Variants in PCDHA13 observed in about 807,000 individuals in gnomAD.
PCDHA13 encodes the protein protocadherin alpha 13.
Under a neutral mutation model 64.8 loss-of-function variants are expected in PCDHA13, and 54 were observed. The ratio of observed to expected loss-of-function variants is 0.83; its 90% confidence interval spans 0.67 to 1.04. PCDHA13 has a LOEUF of 1.04. Ranked by LOEUF, PCDHA13 falls within the 50% of genes least tolerant of loss-of-function variation. PCDHA13 has a pLI of 0.00. For synonymous variants in PCDHA13, 587 were observed against 564.4 expected (o/e 1.04, Z -0.57); for missense variants, 1,248 against 1,254.3 (o/e 0.99, Z 0.08).
intron 3 of PCDHA13, among the ~76,000 whole-genome samples, chr5:141,006,902 A>T (rs1563704110): frequency 6.6e-6 from 1 of 152,218 alleles, no homozygotes; most frequent in Non-Finnish European, 1.5e-5. Context: ...AGATTTCTTC[A>T]GTTTGGGATG....
rs1284021507 is a variant in PCDHA13 at position 140,883,838 on chromosome 5, G to A, written c.1570G>A (p.Asp524Asn). The A allele has an allele frequency of 1.9e-6, 3 of 1,612,620 alleles. No individual in the cohort carries two copies. In the Admixed American group the frequency reaches 5.0e-5, roughly 27 times the overall value. ...CAAGGTGTACGCGCTGCAGCCGTTG[G>A]ACCACGAGGAGCTGGAGCTGTTGCA... ...SGKVYALQPL[D>N]HEELELLQFQ... is the part of the protein sequence containing the mutation. Residue 524 changes from aspartate to asparagine, a missense_variant, in exon 1 of 4, where the codon GAC becomes AAC. Physicochemically the swap from Asp to Asn is conservative, Grantham distance 23. Coordinates refer to ENST00000289272, the MANE Select transcript of PCDHA13 (RefSeq NM_018904.3).
chr5:140,982,014 C>G lies in PCDHA13; in HGVS notation c.2454-461C>G, dbSNP rs546904836. Among the ~76,000 whole-genome samples the G allele has an allele frequency of 3.3e-5, 5 of 152,270 alleles. No individual in the cohort carries two copies. The South Asian group carries it at 1.0e-3, about 32-fold the overall frequency. ...ATAAGGTTAAGAATTAATTAGATAG[C>G]CAAATTGGAACAATACTCCAATTAT... is the stretch of plus-strand genomic sequence containing the variant. On this transcript the variant is annotated intron_variant, in intron 2 of 3. Coordinates refer to ENST00000289272, the MANE Select transcript of PCDHA13 (RefSeq NM_018904.3).
chr5:140,984,168 A>C (rs1181991691), intron 3 of PCDHA13, among the ~76,000 whole-genome samples: 1 of 152,204 alleles, frequency 6.6e-6, no homozygotes, highest in Non-Finnish European at 1.5e-5. Context: ...TTCCCAAAGA[A>C]GCCACGTGAA....
intron 1 of PCDHA13, among the ~76,000 whole-genome samples, chr5:140,904,631 G>A (rs150616068): frequency 0.029 from 4,338 of 152,074 alleles, 82 homozygotes; most frequent in Non-Finnish European, 0.044. Flanking sequence ...GTTCTTTAAG[G>A]AATCTCCACA....
At position 140,978,992 on chromosome 5, in the gene PCDHA13, G is replaced by T. The variant is rs1363421000; in HGVS notation, c.2438G>T (p.Arg813Ile). The change falls in exon 2 of 4, where the codon AGA (arginine) becomes ATA (isoleucine). Residue 813 changes from arginine to isoleucine, a missense_variant. Arg to Ile is a moderately conservative substitution (Grantham distance 97). Transcript: ENST00000289272. ...NPDWRYSASL[R>I]AGMHSSVHLE... Reference sequence around the variant, plus strand: ...GACTGGCGTTACTCTGCCTCCCTGAGAGCAGGCATGCACAGGTATGTATTT... The same window carrying T: ...GACTGGCGTTACTCTGCCTCCCTGATAGCAGGCATGCACAGGTATGTATTT... The T allele has an allele frequency of 8.1e-6, 13 of 1,614,060 alleles. No homozygotes were observed. Among genetic ancestry groups the T allele is most frequent in the Non-Finnish European group, 1.1e-5 (13 of 1,180,034 alleles).
chr5:140,940,736 A>G (rs1554213579), intron 1 of PCDHA13, among the ~76,000 whole-genome samples: 1 of 152,200 alleles, frequency 6.6e-6, no homozygotes, highest in Non-Finnish European at 1.5e-5. Flanking sequence ...GGACAGCTCC[A>G]TATTTTTATG....
At chr5:140,967,051 G>C in intron 1 of PCDHA13, 2 of 1,612,562 alleles carry the variant, frequency 1.2e-6, no homozygotes, top group Non-Finnish European at 1.7e-6. Context: ...TGGACCTGAC[G>C]AGTGGAGCGC....
chr5:140,882,766 G>T lies in PCDHA13; in HGVS notation c.498G>T (p.Ser166=). The T allele has an allele frequency of 1.2e-6, 2 of 1,614,184 alleles. No homozygotes were observed. The highest frequency in any genetic ancestry group is 2.2e-5 in the South Asian group (2 of 91,082). The change falls in exon 1 of 4, where the codon TCG becomes TCT. Residue 166 remains serine, a synonymous_variant. Transcript: ENST00000289272. ...GASDADIGVN[S]ALTYRLDPND... Reference sequence around the variant, plus strand: ...CCGATGCAGATATTGGAGTAAACTCGGCATTGACCTACCGACTGGATCCCA... The same window carrying T: ...CCGATGCAGATATTGGAGTAAACTCTGCATTGACCTACCGACTGGATCCCA...
chr5:140,884,012 C>T lies in PCDHA13; in HGVS notation c.1744C>T (p.Pro582Ser). ...SAGGTVSELM[P>S]RSVGAGHVVA... ...GGGAGGCACAGTGAGCGAGCTGATG[C>T]CGCGGTCGGTGGGTGCAGGCCACGT... The change falls in exon 1 of 4, where the codon CCG becomes TCG. Residue 582 changes from proline (P) to serine (S), a missense_variant. Transcript: ENST00000289272. The T allele has an allele frequency of 6.2e-7, 1 of 1,613,134 alleles. No individual in the cohort carries two copies. Among genetic ancestry groups the T allele is most frequent in the Non-Finnish European group, 8.5e-7 (1 of 1,179,576 alleles).
At position 140,882,732 on chromosome 5, in the gene PCDHA13, A is replaced by C; in HGVS notation, c.464A>C (p.Asp155Ala). ...SRPPETRFPL[D>A]GASDADIGVN... The stretch of plus-strand genomic sequence containing the variant: ...CCTCCGGAAACTCGATTTCCACTAG[A>C]TGGCGCATCCGATGCAGATATTGGA... Residue 155 changes from aspartate to alanine, a missense_variant, in exon 1 of 4, where the codon GAT (aspartate) becomes GCT (alanine). By Grantham distance (126) the Asp-to-Ala change is moderately radical. Coordinates refer to ENST00000289272, the MANE Select transcript of PCDHA13 (RefSeq NM_018904.3). The C allele has an allele frequency of 6.2e-7, 1 of 1,614,228 alleles. No individual in the cohort carries two copies. Among genetic ancestry groups the C allele is most frequent in the Non-Finnish European group, 8.5e-7 (1 of 1,180,036 alleles).
In PCDHA13 at chr5:140,883,426, C is replaced by T; in HGVS notation, c.1158C>T (p.Thr386=). Residue 386 remains threonine (T), a synonymous_variant, in exon 1 of 4, where the codon ACC becomes ACT. Coordinates refer to ENST00000289272, the MANE Select transcript of PCDHA13 (RefSeq NM_018904.3). ...DRDSGSNGQV[T]CTLTPHVPFK... Reference sequence around the variant, plus strand: ...ACTCTGGCTCAAATGGACAGGTCACCTGCACCTTGACGCCGCATGTCCCCT... The same window carrying T: ...ACTCTGGCTCAAATGGACAGGTCACTTGCACCTTGACGCCGCATGTCCCCT... The T allele has an allele frequency of 6.2e-7, 1 of 1,614,196 alleles. No individual in the cohort carries two copies. Among genetic ancestry groups the T allele is most frequent in the Non-Finnish European group, 8.5e-7 (1 of 1,180,034 alleles).
intron 1 of PCDHA13, among the ~76,000 whole-genome samples, chr5:140,941,185 C>CTT (rs782102770): frequency 2.0e-5 from 2 of 102,242 alleles, no homozygotes; most frequent in East Asian, 7.3e-4. Context: ...CATCCTGCTT[C>CTT]TTTTTTTTTC....
At chr5:140,970,862 T>C (rs2153787404) in intron 1 of PCDHA13, among the ~76,000 whole-genome samples, 1 of 152,312 alleles carries the variant, frequency 6.6e-6, no homozygotes, top group South Asian at 2.1e-4. Flanking sequence ...GTTCCATTCC[T>C]GATTGAGAGT....
At chr5:140,967,692 G>A (rs781940460) in intron 1 of PCDHA13, 12 of 1,614,196 alleles carry the variant, frequency 7.4e-6, no homozygotes, top group South Asian at 1.1e-5. Flanking sequence ...CAGCTCTTCA[G>A]CATAGATGCC....
intron 1 of PCDHA13, among the ~76,000 whole-genome samples, chr5:140,916,528 C>T (rs2077601043): frequency 6.6e-6 from 1 of 152,154 alleles, no homozygotes; most frequent in South Asian, 2.1e-4. Context: ...TGGGTCCTTC[C>T]CACCAAGGCA....
intron 1 of PCDHA13, among the ~76,000 whole-genome samples, chr5:140,898,780 C>A (rs1424563314): frequency 3.9e-5 from 6 of 152,106 alleles, no homozygotes; most frequent in African/African-American, 1.2e-4. Flanking sequence ...TTACCTTGGG[C>A]AGTATGGCCA....
intron 1 of PCDHA13, among the ~76,000 whole-genome samples, chr5:140,959,564 G>T (rs1440482785): frequency 6.6e-6 from 1 of 152,072 alleles, no homozygotes; most frequent in Non-Finnish European, 1.5e-5. Flanking sequence ...ATCAGTACTA[G>T]ATTTTTTGTT....
intron 1 of PCDHA13, among the ~76,000 whole-genome samples, chr5:140,934,025 A>C (rs190533956): frequency 1.2e-3 from 183 of 152,100 alleles, no homozygotes; most frequent in Non-Finnish European, 2.2e-3. Flanking sequence ...ACTTGGAAGT[A>C]GTTTATTAAT....
chr5:140,979,947 A>G (rs781881758), intron 2 of PCDHA13, among the ~76,000 whole-genome samples: 4 of 152,258 alleles, frequency 2.6e-5, no homozygotes, highest in African/African-American at 4.8e-5. Context: ...AGTTAATGTG[A>G]AATTAGTTTT....
Sources: allele counts gnomAD v4.1 joint callset (sites outside exome capture counted in the v4.1 genomes callset), GRCh38; gene constraint gnomAD v4.1.1; transcripts MANE v1.5; gene names NCBI Gene and HGNC (gene_info 2026-07-23, HGNC 2026-07-21).